GEMIN2: variants seen among roughly 807,000 people sequenced by gnomAD.
The protein encoded by GEMIN2 is gem-associated protein 2.
A neutral mutation model predicts 45.8 loss-of-function variants in GEMIN2; 37 were observed. The ratio of observed to expected loss-of-function variants is 0.81; its 90% CI spans 0.62 to 1.06. GEMIN2 has a LOEUF of 1.06. GEMIN2 is among the 50% of genes least tolerant of loss of function. The pLI is 0.00. For synonymous variants in GEMIN2, 101 were observed against 111.5 expected, an observed-to-expected ratio of 0.91 and a Z score of 0.60; for missense variants, 335 against 321.8, an observed-to-expected ratio of 1.04 and a Z score of -0.31.
chr14:39,132,135 T>G, intron 8 of GEMIN2, 67 bp downstream of exon 8: 1 of 771,930 alleles, frequency 1.3e-6, no homozygotes, highest in Non-Finnish European at 2.3e-6. Context: ...AAGAAGGAGT[T>G]CAGTGAAATA....
At chr14:39,114,935 G>C in intron 2 of GEMIN2, 22 bp downstream of exon 2, 2 of 1,095,376 alleles carry the variant, frequency 1.8e-6, no homozygotes, top group Non-Finnish European at 2.8e-6. Flanking sequence ...TAACCGTCTG[G>C]AGATTACCCC....
At chr14:39,116,979 A>C (rs1566529411) in intron 2 of GEMIN2, among the ~76,000 whole-genome samples, 1 of 152,154 alleles carries the variant, frequency 6.6e-6, no homozygotes, top group Non-Finnish European at 1.5e-5. Flanking sequence ...CTCTTTTAGA[A>C]AACAGAAGTA....
At chr14:39,122,126 C>T (rs1010029467) in intron 4 of GEMIN2, 18 of 255,334 alleles carry the variant, frequency 7.0e-5, no homozygotes, top group Non-Finnish European at 1.3e-4. Flanking sequence ...CCTGGTGTCT[C>T]TTTGTGAATC....
intron 7 of GEMIN2, chr14:39,131,749 A>G: frequency 9.4e-6 from 4 of 424,518 alleles, no homozygotes; most frequent in Non-Finnish European, 1.2e-5. Flanking sequence ...ATTTTGAGGT[A>G]TCCAATGTCC....
chr14:39,122,858 CT>C (rs1403487667), intron 5 of GEMIN2, among the ~76,000 whole-genome samples: 2 of 152,060 alleles, frequency 1.3e-5, no homozygotes, highest in Non-Finnish European at 2.9e-5. Context: ...TTTACTGTGA[CT>C]TTTTTTAGTT....
At chr14:39,127,514 T>G (rs1232500009) in intron 6 of GEMIN2, among the ~76,000 whole-genome samples, 1 of 151,734 alleles carries the variant, frequency 6.6e-6, no homozygotes, top group East Asian at 2.0e-4. Flanking sequence ...GGCTAATTTT[T>G]GTATTTTTAG....
intron 2 of GEMIN2, among the ~76,000 whole-genome samples, chr14:39,116,410 C>A: frequency 7.5e-6 from 1 of 133,096 alleles, no homozygotes; most frequent in South Asian, 2.4e-4. Flanking sequence ...ATTTCTTTTT[C>A]TTTTTTTTTT....
intron 7 of GEMIN2, chr14:39,131,699 A>G (rs1566537013): frequency 2.9e-6 from 1 of 347,078 alleles, no homozygotes. Flanking sequence ...ACTTCCTATC[A>G]TAAGAATATC....
At chr14:39,120,802 A>G (rs2052564546) in intron 4 of GEMIN2, among the ~76,000 whole-genome samples, 1 of 151,980 alleles carries the variant, frequency 6.6e-6, no homozygotes, top group Admixed American at 6.6e-5. Flanking sequence ...TAATTTTTGT[A>G]TTTTTAGTAG....
intron 9 of GEMIN2, among the ~76,000 whole-genome samples, chr14:39,136,186 C>T (rs879815249): frequency 5.9e-5 from 9 of 152,106 alleles, no homozygotes; most frequent in South Asian, 2.1e-4. Context: ...TTCTGTACTT[C>T]GTTTTTTTTC....
Position 39,117,400 on chromosome 14 carries a change from C to T in GEMIN2, c.223-599C>T, listed in dbSNP as rs78008984. ...ATAATCATAATTTCATGCTTTATCACGCAGGCACAATAATAATTGTACATA... is the reference window on the plus strand; with the variant it reads ...ATAATCATAATTTCATGCTTTATCATGCAGGCACAATAATAATTGTACATA... On this transcript the variant is annotated intron_variant, in intron 2 of 9. Coordinates refer to ENST00000308317, the MANE Select transcript of GEMIN2 (RefSeq NM_003616.3). 1.4e-4 allele frequency among the ~76,000 whole-genome samples: 21 copies of T among 152,078 alleles called. 2 individuals are homozygous for T. Among genetic ancestry groups the T allele is most frequent in the East Asian group, 1.4e-3 (7 of 5,182 alleles).
intron 7 of GEMIN2, among the ~76,000 whole-genome samples, chr14:39,131,308 A>G (rs2052712647): frequency 6.6e-6 from 1 of 152,174 alleles, no homozygotes; most frequent in Non-Finnish European, 1.5e-5. Flanking sequence ...AAAAAAAAAG[A>G]AAGTTGTACA....
intron 2 of GEMIN2, among the ~76,000 whole-genome samples, chr14:39,117,396 A>G (rs1420958447): frequency 3.9e-5 from 6 of 152,126 alleles, no homozygotes; most frequent in African/African-American, 1.4e-4. Context: ...TTCATGCTTT[A>G]TCACGCAGGC....
chr14:39,131,184 G>A (rs117518543), intron 7 of GEMIN2, among the ~76,000 whole-genome samples: 24 of 149,938 alleles, frequency 1.6e-4, no homozygotes, highest in Non-Finnish European at 3.3e-4. Context: ...GTAATTCCAG[G>A]TACTCAGGAT....
intron 5 of GEMIN2, among the ~76,000 whole-genome samples, chr14:39,123,685 G>GTTTTATAT (rs1566532769): frequency 1.7e-5 from 1 of 59,616 alleles, no homozygotes; most frequent in African/African-American, 6.0e-5. Flanking sequence ...TTCAAAAATA[G>GTTTTATAT]CTATATATAT....
At chr14:39,117,023 A>C (rs2052517085) in intron 2 of GEMIN2, among the ~76,000 whole-genome samples, 1 of 152,220 alleles carries the variant, frequency 6.6e-6, no homozygotes, top group Admixed American at 6.5e-5. Flanking sequence ...CTGTAATCCC[A>C]GCACTTTGGG....
At chr14:39,131,747 G>A in intron 7 of GEMIN2, 1 of 416,816 alleles carries the variant, frequency 2.4e-6, no homozygotes, top group Non-Finnish European at 4.2e-6. Flanking sequence ...ATATTTTGAG[G>A]TATCCAATGT....
At chr14:39,135,775 T>A (rs1327531570) in intron 9 of GEMIN2, among the ~76,000 whole-genome samples, 2 of 152,196 alleles carry the variant, frequency 1.3e-5, no homozygotes, top group Admixed American at 1.3e-4. Context: ...ATAAAATAGT[T>A]ACCTTGCCAA....
chr14:39,123,895 A>AT (rs1181605985), intron 5 of GEMIN2, among the ~76,000 whole-genome samples: 1 of 149,678 alleles, frequency 6.7e-6, no homozygotes, highest in Non-Finnish European at 1.5e-5. Flanking sequence ...TAATTTTTAA[A>AT]TTTTTTGTAG....
Sources: gnomAD v4.1 joint callset for allele counts (sites outside exome capture counted in the v4.1 genomes callset) on GRCh38, gnomAD v4.1.1 for gene constraint, MANE v1.5 for transcripts, NCBI Gene and HGNC (gene_info 2026-07-23, HGNC 2026-07-21) for gene names.